KIF16B: variants seen among roughly 807,000 people sequenced by gnomAD.
KIF16B encodes kinesin-like protein KIF16B.
In KIF16B, 98 loss-of-function variants were observed where a neutral mutation model predicts 156.3. The observed-to-expected ratio is 0.63, with a 90% CI of 0.53 to 0.74. The LOEUF is 0.74. KIF16B is among the 30% of genes least tolerant of loss of function. The pLI, the probability that KIF16B is intolerant of heterozygous loss-of-function variation, is 0.00. For synonymous variants in KIF16B, 564 were observed against 583.7 expected (o/e 0.97, Z 0.49); for missense variants, 1,421 against 1,606.5 (o/e 0.88, Z 1.97).
At chr20:16,552,897 C>T (rs1296629064) in intron 1 of KIF16B, among the ~76,000 whole-genome samples, 1 of 152,028 alleles carries the variant, frequency 6.6e-6, no homozygotes. Flanking sequence ...TCCTGAGTAG[C>T]TGGGATTACA....
Position 16,497,593 on chromosome 20 carries a change from TAA to T in KIF16B, c.1242+18_1242+19del. 1 of 1,570,066 alleles carries T rather than the reference TAA, an allele frequency of 6.4e-7. No individual in the cohort carries two copies. The highest frequency in any genetic ancestry group is 8.8e-7 in the Non-Finnish European group (1 of 1,142,220). ...TAGTAAAAGTTATGATTTAAAAATATAAGTCAAAGTATCACTTACTCTTGCTT... is the reference window on the plus strand; with the variant it reads ...TAGTAAAAGTTATGATTTAAAAATATGTCAAAGTATCACTTACTCTTGCTT... On this transcript the variant is annotated intron_variant, in intron 11 of 25. Coordinates refer to ENST00000354981, the MANE Select transcript of KIF16B (RefSeq NM_024704.5).
chr20:16,441,503 C>T (rs1374861465), intron 12 of KIF16B, among the ~76,000 whole-genome samples: 1 of 152,154 alleles, frequency 6.6e-6, no homozygotes, highest in African/African-American at 2.4e-5. Context: ...TCATGCACTG[C>T]TTGTTTCTCC....
chr20:16,304,971 G>A (rs1467994828), intron 25 of KIF16B, among the ~76,000 whole-genome samples: 1 of 152,128 alleles, frequency 6.6e-6, no homozygotes, highest in African/African-American at 2.4e-5. Flanking sequence ...CCGTGGAGTG[G>A]TGGTGGTGGT....
chr20:16,442,198 A>G (rs1191076523), intron 12 of KIF16B, among the ~76,000 whole-genome samples: 2 of 152,136 alleles, frequency 1.3e-5, no homozygotes, highest in Non-Finnish European at 2.9e-5. Context: ...ACTGTACAGC[A>G]TGGTGACTAT....
intron 25 of KIF16B, among the ~76,000 whole-genome samples, chr20:16,284,141 C>A (rs1000353170): frequency 1.4e-4 from 21 of 152,242 alleles, no homozygotes; most frequent in African/African-American, 4.8e-4. Flanking sequence ...TATCACAAGA[C>A]ATGAGTCACA....
intron 12 of KIF16B, among the ~76,000 whole-genome samples, chr20:16,453,275 C>T (rs575187811): frequency 1.3e-5 from 2 of 151,724 alleles, no homozygotes; most frequent in South Asian, 4.2e-4. Context: ...CTCAATCAAT[C>T]AATCAATAAG....
At chr20:16,489,225 A>T (rs2068213168) in intron 12 of KIF16B, among the ~76,000 whole-genome samples, 2 of 152,114 alleles carry the variant, frequency 1.3e-5, no homozygotes, top group African/African-American at 4.8e-5. Context: ...GCCTTGGAGA[A>T]GAGGTACCTG....
At chr20:16,495,070 A>G (rs2068411237) in intron 11 of KIF16B, among the ~76,000 whole-genome samples, 1 of 152,208 alleles carries the variant, frequency 6.6e-6, no homozygotes, top group Admixed American at 6.5e-5. Context: ...CAGGAAACAA[A>G]AAGTGATATT....
rs538676982 is a variant in KIF16B at position 16,323,293 on chromosome 20, C to T, written c.3712-10875G>A. Among the ~76,000 whole-genome samples, 11 of 152,032 alleles carry T rather than the reference C, an allele frequency of 7.2e-5. No homozygotes were observed. In the South Asian group the frequency reaches 2.3e-3, roughly 32 times the overall value. ...TATAACCTGTCTTTTGCAAGTAAAC[C>T]CACCTACATGGTAACTAGCAGCTTT... On this transcript the variant is annotated intron_variant, in intron 24 of 25. Transcript: ENST00000354981.
At chr20:16,404,985 G>T in intron 16 of KIF16B, 84 bp from the exon 17 acceptor site, 1 of 912,886 alleles carries the variant, frequency 1.1e-6, no homozygotes, top group South Asian at 1.4e-5. Flanking sequence ...CAACATGTGA[G>T]AGACAATGAG....
chr20:16,522,321 G>A (rs1373345505), intron 3 of KIF16B, among the ~76,000 whole-genome samples: 1 of 152,150 alleles, frequency 6.6e-6, no homozygotes, highest in African/African-American at 2.4e-5. Context: ...AGGGAGAGAA[G>A]AATATTCACC....
intron 3 of KIF16B, among the ~76,000 whole-genome samples, chr20:16,520,375 G>A (rs1022680113): frequency 2.0e-5 from 3 of 152,120 alleles, no homozygotes; most frequent in Admixed American, 1.3e-4. Context: ...AGACTCGAGT[G>A]GGTGGTTTTA....
intron 25 of KIF16B, among the ~76,000 whole-genome samples, chr20:16,293,428 T>C (rs946397958): frequency 6.6e-6 from 1 of 152,184 alleles, no homozygotes; most frequent in Admixed American, 6.5e-5. Context: ...TGAATGAAAA[T>C]GGTTTCCAAC....
intron 11 of KIF16B, among the ~76,000 whole-genome samples, chr20:16,495,502 T>C (rs1220760699): frequency 1.3e-5 from 2 of 152,182 alleles, no homozygotes. Context: ...TAGTCAATCA[T>C]TCAGGGGTCC....
chr20:16,517,400 C>G (rs1004559036), intron 3 of KIF16B, among the ~76,000 whole-genome samples: 1 of 152,236 alleles, frequency 6.6e-6, no homozygotes, highest in African/African-American at 2.4e-5. Flanking sequence ...TGGCAACTCA[C>G]ACTTACTCCG....
chr20:16,313,310 G>GTCA (rs2122718430), intron 24 of KIF16B, among the ~76,000 whole-genome samples: 1 of 152,288 alleles, frequency 6.6e-6, no homozygotes, highest in African/African-American at 2.4e-5. Context: ...GGCACAATAT[G>GTCA]TCACAAAATT....
At chr20:16,480,600 C>T (rs1034745624) in intron 12 of KIF16B, among the ~76,000 whole-genome samples, 8 of 152,154 alleles carry the variant, frequency 5.3e-5, no homozygotes, top group African/African-American at 1.9e-4. Context: ...TTGTGTATTT[C>T]ATTCAAATGA....
intron 23 of KIF16B, among the ~76,000 whole-genome samples, chr20:16,339,247 G>A (rs1031265273): frequency 4.6e-5 from 7 of 152,084 alleles, no homozygotes; most frequent in Admixed American, 2.6e-4. Context: ...GGTTTTGATC[G>A]TACTCAGTCT....
chr20:16,510,351 A>G (rs1024048461), intron 6 of KIF16B, among the ~76,000 whole-genome samples: 1 of 152,154 alleles, frequency 6.6e-6, no homozygotes, highest in African/African-American at 2.4e-5. Flanking sequence ...TTAAGTGGAA[A>G]TTTATTAAAA....
Sources: gnomAD v4.1 joint callset for allele counts (sites outside exome capture counted in the v4.1 genomes callset) on GRCh38, gnomAD v4.1.1 for gene constraint, MANE v1.5 for transcripts, NCBI Gene and HGNC (gene_info 2026-07-23, HGNC 2026-07-21) for gene names.